Variants in ANKRD44 observed in about 807,000 individuals in gnomAD.
The protein encoded by ANKRD44 is serine/threonine-protein phosphatase 6 regulatory ankyrin repeat subunit B.
ANKRD44 carries 35 observed loss-of-function variants against 116.0 expected under a neutral mutation model. That is an observed-to-expected ratio of 0.30 (90% confidence interval 0.23 to 0.40). ANKRD44 has a LOEUF of 0.40. ANKRD44 is among the 10% of genes least tolerant of loss of function. The pLI is 1.00. For missense variants in ANKRD44, 1,014 were observed against 1,242.6 expected, an observed-to-expected ratio of 0.82 and a Z score of 2.77; for synonymous variants, 435 against 461.8, an observed-to-expected ratio of 0.94 and a Z score of 0.74.
At chr2:197,147,130 T>A in intron 2 of ANKRD44, 25 bp from the exon 3 acceptor site, 1 of 1,608,862 alleles carries the variant, frequency 6.2e-7, no homozygotes, top group Non-Finnish European at 8.5e-7. Flanking sequence ...GTCAAAGACA[T>A]ACAACAGGTC....
rs867774610 is a variant in ANKRD44 at position 196,967,529 on chromosome 2, T to C, written c.2369-83A>G. 24 of 419,458 alleles carry C rather than the reference T, an allele frequency of 5.7e-5. No homozygotes were observed. In the Middle Eastern group the frequency reaches 7.7e-3, roughly 135 times the overall value. 26.0% of individuals were successfully genotyped at this position (419,458 alleles called of 1,614,324 possible). On this transcript the variant is annotated intron_variant, in intron 21 of 21. Coordinates refer to the ANKRD44 transcript ENST00000424317. ...TTGCATTTTTCGGTAAAAAAGAAAG[T>C]GCAATTATGTTAATTTTCTCAAAAT... is the stretch of plus-strand genomic sequence containing the variant.
At chr2:196,990,555 C>T (rs1009313259) in intron 27 of ANKRD44, 2 of 1,229,872 alleles carry the variant, frequency 1.6e-6, no homozygotes, top group African/African-American at 3.1e-5. Context: ...CGATTAATTC[C>T]TTCTCTACTA....
At chr2:197,269,527 G>C (rs1038421431) in intron 1 of ANKRD44, among the ~76,000 whole-genome samples, 1 of 152,154 alleles carries the variant, frequency 6.6e-6, no homozygotes, top group Non-Finnish European at 1.5e-5. Context: ...AGTTAGAAAG[G>C]CTGCAATTGA....
intron 21 of ANKRD44, among the ~76,000 whole-genome samples, chr2:197,003,132 C>T (rs183170575): frequency 1.3e-3 from 204 of 151,488 alleles, no homozygotes; most frequent in Admixed American, 3.6e-3. Flanking sequence ...CATGGCGAAA[C>T]CCCATCTCTC....
At chr2:197,084,794 C>T (rs970633987) in intron 13 of ANKRD44, among the ~76,000 whole-genome samples, 2 of 151,876 alleles carry the variant, frequency 1.3e-5, no homozygotes, top group Non-Finnish European at 2.9e-5. Flanking sequence ...TATTGGATTG[C>T]ATATGTTTTA....
chr2:197,128,816 A>T (rs1462390029), intron 4 of ANKRD44, among the ~76,000 whole-genome samples: 1 of 152,188 alleles, frequency 6.6e-6, no homozygotes, highest in Admixed American at 6.5e-5. Context: ...TTTCTTTAAC[A>T]GTGTTTTTCA....
rs2075851385 is a variant in ANKRD44 at position 196,987,517 on chromosome 2, ATAAC to A, written c.*2070_*2073del. On this transcript the variant is annotated 3_prime_UTR_variant, in exon 28 of 28. Coordinates refer to ENST00000282272, the MANE Select transcript of ANKRD44 (RefSeq NM_001195144.2). ...ACCAAGTTGCTCAACAGTACAAAGA[ATAAC>A]TAGTGCAGCAAATCCATTTGATGTT... 3 of 985,322 alleles carry A rather than the reference ATAAC, an allele frequency of 3.0e-6. No individual in the cohort carries two copies. The highest frequency in any genetic ancestry group is 3.6e-6 in the Non-Finnish European group (3 of 829,914). 61.0% of individuals were successfully genotyped at this position (985,322 alleles called of 1,614,324 possible).
chr2:197,168,559 T>C (rs2697247), intron 2 of ANKRD44, among the ~76,000 whole-genome samples: 151,044 of 152,288 alleles, frequency 0.99, 74,907 homozygotes, highest in East Asian at 1. Flanking sequence ...ATTGTCACTT[T>C]GCTGTCCCCT....
chr2:197,231,699 C>G (rs538011463), intron 1 of ANKRD44, among the ~76,000 whole-genome samples: 3 of 151,830 alleles, frequency 2.0e-5, no homozygotes, highest in African/African-American at 7.2e-5. Context: ...CAGGGCAGCC[C>G]CCACAGCAAA....
intron 8 of ANKRD44, 55 bp downstream of exon 8, chr2:197,121,277 C>T: frequency 6.5e-7 from 1 of 1,539,526 alleles, no homozygotes; most frequent in Middle Eastern, 1.7e-4. Flanking sequence ...GTTGATTTTG[C>T]TCAAACAGAA....
chr2:197,188,548 C>T (rs767967643), intron 1 of ANKRD44, among the ~76,000 whole-genome samples: 9 of 152,204 alleles, frequency 5.9e-5, no homozygotes, highest in Non-Finnish European at 1.0e-4. Flanking sequence ...CCCATTTCTA[C>T]ATGCAACTTG....
Position 197,125,362 on chromosome 2 carries a change from C to G in ANKRD44, c.550+19G>C, listed in dbSNP as rs1384458856. The G allele has an allele frequency of 4.4e-6, 7 of 1,608,670 alleles. No homozygotes were observed. The highest frequency in any genetic ancestry group is 6.0e-6 in the Non-Finnish European group (7 of 1,174,980). ...GTTAAGGTTATCTGTACTTTGCTTTCCATGCATGGAATCCTTACCCATGTA... is the reference window on the plus strand; with the variant it reads ...GTTAAGGTTATCTGTACTTTGCTTTGCATGCATGGAATCCTTACCCATGTA... On this transcript the variant is annotated intron_variant, in intron 6 of 27. Coordinates refer to ENST00000282272, the MANE Select transcript of ANKRD44 (RefSeq NM_001195144.2).
chr2:197,210,984 A>G (rs1251372329), intron 1 of ANKRD44, among the ~76,000 whole-genome samples: 2 of 152,150 alleles, frequency 1.3e-5, no homozygotes, highest in Non-Finnish European at 2.9e-5. Context: ...ACTCCCTCAT[A>G]GTATGTAGAC....
At chr2:196,995,650 A>G (rs561558921) in intron 25 of ANKRD44, among the ~76,000 whole-genome samples, 189 bp from the exon 26 acceptor site, 33 of 152,296 alleles carry the variant, frequency 2.2e-4, no homozygotes, top group African/African-American at 7.7e-4. Flanking sequence ...GAGTCCTAAT[A>G]AGGTCTATTA....
chr2:197,045,206 T>C (rs1368492393), intron 16 of ANKRD44, among the ~76,000 whole-genome samples: 1 of 152,164 alleles, frequency 6.6e-6, no homozygotes, highest in Non-Finnish European at 1.5e-5. Flanking sequence ...GGAGCTCTTC[T>C]TTTTATCCTT....
intron 17 of ANKRD44, chr2:197,015,874 T>C: frequency 1.9e-6 from 1 of 515,692 alleles, no homozygotes; most frequent in Non-Finnish European, 3.7e-6. Context: ...CAATAATGAT[T>C]CTGGAAATTA....
At position 197,026,144 on chromosome 2, in the gene ANKRD44, T is replaced by C. The variant is rs1345977657; in HGVS notation, c.1651-877A>G. ...TAGATGAGTGCACAATAGTGCATATTGTAAGGAAATGCATTCATACAATAA... is the reference window on the plus strand; with the variant it reads ...TAGATGAGTGCACAATAGTGCATATCGTAAGGAAATGCATTCATACAATAA... On this transcript the variant is annotated intron_variant, in intron 16 of 27. Transcript: ENST00000282272. 3.3e-5 allele frequency among the ~76,000 whole-genome samples: 5 copies of C among 152,060 alleles called. No homozygotes were observed. The East Asian group carries it at 9.6e-4, about 29-fold the overall frequency.
intron 16 of ANKRD44, among the ~76,000 whole-genome samples, chr2:197,058,928 C>A (rs1290264462): frequency 6.6e-6 from 1 of 152,210 alleles, no homozygotes; most frequent in Non-Finnish European, 1.5e-5. Flanking sequence ...ACAGTTCTTG[C>A]ACATTATCAG....
intron 10 of ANKRD44, among the ~76,000 whole-genome samples, chr2:197,098,265 AAG>A (rs33937668): frequency 0.84 from 127,971 of 152,026 alleles, 56,433 homozygotes; most frequent in East Asian, 1. Flanking sequence ...AGTTCAACTT[AAG>A]ATGTTGGACA....
Sources: gnomAD v4.1 joint callset for allele counts (sites outside exome capture counted in the v4.1 genomes callset) on GRCh38, gnomAD v4.1.1 for gene constraint, MANE v1.5 for transcripts, NCBI Gene and HGNC (gene_info 2026-07-23, HGNC 2026-07-21) for gene names.